ITGA11: variants seen among roughly 807,000 people sequenced by gnomAD.
ITGA11 encodes integrin subunit alpha 11, also known as integrin alpha-11.
In ITGA11, 97 loss-of-function variants were observed where a neutral mutation model predicts 141.9. The ratio of observed to expected loss-of-function variants is 0.68; its 90% CI spans 0.58 to 0.81. The LOEUF is 0.81. Among genes scored for constraint, ITGA11 ranks in the 30% least tolerant of loss-of-function variants. ITGA11 has a pLI of 0.00. For missense variants in ITGA11, 1,387 were observed against 1,559.2 expected (o/e 0.89, Z 1.86); for synonymous variants, 658 against 624.6 (o/e 1.05, Z -0.80).
At chr15:68,319,574 G>C (rs553052117) in intron 20 of ITGA11, among the ~76,000 whole-genome samples, 49 of 152,330 alleles carry the variant, frequency 3.2e-4, no homozygotes, top group South Asian at 2.1e-4. Context: ...AGTTTGTTCT[G>C]ACAGCAGCTG....
intron 2 of ITGA11, among the ~76,000 whole-genome samples, chr15:68,382,723 T>C (rs1895892760): frequency 6.6e-6 from 1 of 152,222 alleles, no homozygotes. Context: ...CCAGTTTCCA[T>C]TTTTCTTGAT....
At chr15:68,330,071 G>A (rs187960621) in intron 15 of ITGA11, among the ~76,000 whole-genome samples, 42 of 152,222 alleles carry the variant, frequency 2.8e-4, no homozygotes, top group Non-Finnish European at 4.8e-4. Context: ...GGCTCGCTCG[G>A]CATCGGTGCT....
At chr15:68,327,249 C>A (rs776162997) in intron 16 of ITGA11, among the ~76,000 whole-genome samples, 1 of 152,190 alleles carries the variant, frequency 6.6e-6, no homozygotes, top group South Asian at 2.1e-4. Context: ...CCCTTCCTGC[C>A]GGATCCTCAA....
At chr15:68,339,788 T>G in intron 10 of ITGA11, 144 bp from the exon 11 acceptor site, 1 of 852,558 alleles carries the variant, frequency 1.2e-6, no homozygotes, top group Non-Finnish European at 1.8e-6. Context: ...ACCTAACTTC[T>G]GGCTGGGGCT....
intron 21 of ITGA11, 41 bp downstream of exon 21, chr15:68,317,224 T>C (rs922183142): frequency 7.2e-7 from 1 of 1,388,204 alleles, no homozygotes; most frequent in African/African-American, 1.4e-5. Flanking sequence ...TGCCTCCCAG[T>C]GCCCACCCTG....
chr15:68,304,574 G>A lies in ITGA11; in HGVS notation c.3382-689C>T, dbSNP rs571236969. Among the ~76,000 whole-genome samples the A allele has an allele frequency of 8.9e-4, 135 of 152,186 alleles. 1 individual carries two copies. Among genetic ancestry groups the A allele is most frequent in the African/African-American group, 3.2e-3 (132 of 41,510 alleles). On this transcript the variant is annotated intron_variant, in intron 28 of 29. Transcript: ENST00000315757. This position sits in a 1 kb window ranked among gnomAD's most constrained non-coding sequence, Gnocchi z 6.1. ...CTCCCTCAGTCCTGTGGCTATCACC[G>A]TCTACACGCCGACTGCTCTCACATT...
chr15:68,307,132 C>T lies in ITGA11; in HGVS notation c.3381+216G>A, dbSNP rs1007376173. Among the ~76,000 whole-genome samples the T allele has an allele frequency of 1.3e-5, 2 of 152,200 alleles. No homozygotes were observed. Among genetic ancestry groups the T allele is most frequent in the Non-Finnish European group, 2.9e-5 (2 of 68,036 alleles). On this transcript the variant is annotated intron_variant, in intron 28 of 29. Coordinates refer to ENST00000315757, the MANE Select transcript of ITGA11 (RefSeq NM_001004439.2). The surrounding 1 kb of genome is among the most constrained non-coding windows in gnomAD (Gnocchi z 6.1). ...TGGTCTTCACAAATTCAGTTCACACCAGACCTCTGGACCTTCCCTAGTGTT... is the reference window on the plus strand; with the variant it reads ...TGGTCTTCACAAATTCAGTTCACACTAGACCTCTGGACCTTCCCTAGTGTT...
intron 2 of ITGA11, among the ~76,000 whole-genome samples, chr15:68,374,722 T>C (rs2169213): frequency 0.039 from 5,972 of 152,232 alleles, 364 homozygotes; most frequent in African/African-American, 0.12. Context: ...AAGGATGAGC[T>C]TGCCTCTGCA....
At chr15:68,387,164 G>A (rs1188121945) in intron 2 of ITGA11, among the ~76,000 whole-genome samples, 2 of 151,894 alleles carry the variant, frequency 1.3e-5, no homozygotes, top group Non-Finnish European at 1.5e-5. Context: ...AGGGAGAGAG[G>A]GAAGGGGCCT....
chr15:68,339,378 C>T (rs768895936), intron 11 of ITGA11, 122 bp downstream of exon 11: 1 of 1,165,328 alleles, frequency 8.6e-7, no homozygotes, highest in Non-Finnish European at 1.2e-6. Flanking sequence ...GAGTTGGGTG[C>T]TTGAATCAGC....
In ITGA11 at chr15:68,322,707, A is replaced by C. The variant is rs1167459350; in HGVS notation, c.2323-1204T>G. Among the ~76,000 whole-genome samples, 1 of 152,086 alleles carries C rather than the reference A, an allele frequency of 6.6e-6. No individual in the cohort carries two copies. Among genetic ancestry groups the C allele is most frequent in the East Asian group, 1.9e-4 (1 of 5,188 alleles). On this transcript the variant is annotated intron_variant, in intron 18 of 29. Transcript: ENST00000315757. This position sits in a 1 kb window ranked among gnomAD's most constrained non-coding sequence, Gnocchi z 5.6. ...CATGGTGAAACTTTGTCTCTGCTAA[A>C]AAATACAAAAATTAGCTGGGCGCAG... is the stretch of plus-strand genomic sequence containing the variant.
In ITGA11 at chr15:68,298,746, ACT is replaced by A. The variant is rs1255781090; in HGVS notation, c.*4311_*4312del. The A allele has an allele frequency of 6.6e-6, 1 of 152,242 alleles. No individual in the cohort carries two copies. The highest frequency in any genetic ancestry group is 1.5e-5 in the Non-Finnish European group (1 of 68,010). 9.4% of individuals were successfully genotyped at this position (152,242 alleles called of 1,614,324 possible). A position where few individuals can be genotyped will look rare whatever the true frequency, so the allele number is the denominator to read the frequency against. Reference sequence around the variant, plus strand: ...ATTTTCCAAATAAAAAAATTTTTTGACTCTGACTTGGGCCACCTTCTGAAAAC... The same window carrying A: ...ATTTTCCAAATAAAAAAATTTTTTGACTGACTTGGGCCACCTTCTGAAAAC... On this transcript the variant is annotated 3_prime_UTR_variant, in exon 30 of 30. Coordinates refer to ENST00000315757, the MANE Select transcript of ITGA11 (RefSeq NM_001004439.2).
At chr15:68,408,629 G>A (rs906812160) in intron 1 of ITGA11, among the ~76,000 whole-genome samples, 1 of 152,144 alleles carries the variant, frequency 6.6e-6, no homozygotes, top group African/African-American at 2.4e-5. Context: ...GGGTGCTCAG[G>A]AAGCTTCTGG....
intron 10 of ITGA11, among the ~76,000 whole-genome samples, chr15:68,347,564 G>A (rs748971): frequency 0.017 from 2,535 of 152,212 alleles, 63 homozygotes; most frequent in African/African-American, 0.058. Context: ...TGGCATTTCC[G>A]TCCATCTGCC....
At chr15:68,349,163 C>T (rs917190672) in intron 9 of ITGA11, among the ~76,000 whole-genome samples, 1 of 152,220 alleles carries the variant, frequency 6.6e-6, no homozygotes, top group Non-Finnish European at 1.5e-5. Flanking sequence ...CTGAAAAGGG[C>T]TCGGGACAAC....
In ITGA11 at chr15:68,299,461, G is replaced by A. The variant is rs1892978103; in HGVS notation, c.*3598C>T. On this transcript the variant is annotated 3_prime_UTR_variant, in exon 30 of 30. Coordinates refer to ENST00000315757, the MANE Select transcript of ITGA11 (RefSeq NM_001004439.2). ...TTATAAGAAGGAGTGCAGGATAAAA[G>A]GCTGGAACCACATTAGCCGAAGGTA... is the stretch of plus-strand genomic sequence containing the variant. The A allele has an allele frequency of 6.6e-6, 1 of 151,354 alleles. No homozygotes were observed. Among genetic ancestry groups the A allele is most frequent in the South Asian group, 2.1e-4 (1 of 4,740 alleles). 9.4% of individuals were successfully genotyped at this position (151,354 alleles called of 1,614,324 possible).
At position 68,361,705 on chromosome 15, in the gene ITGA11, C is replaced by G. The variant is rs1212795767; in HGVS notation, c.358-1G>C. The G allele has an allele frequency of 6.3e-7, 1 of 1,594,498 alleles. No individual in the cohort carries two copies. The highest frequency in any genetic ancestry group is 8.6e-7 in the Non-Finnish European group (1 of 1,168,696). On this transcript the variant is annotated splice_acceptor_variant, in intron 4 of 29. Transcript: ENST00000315757. LOFTEE classifies it high-confidence loss of function. Reference sequence around the variant, plus strand: ...CATGAGACCAGAGGGGGCTGCAGGCCTGGGGAGGGCAGTGCAGATCCCCAG... The same window carrying G: ...CATGAGACCAGAGGGGGCTGCAGGCGTGGGGAGGGCAGTGCAGATCCCCAG...
chr15:68,361,708 G>C lies in ITGA11; in HGVS notation c.358-4C>G, dbSNP rs1178891465. On this transcript the variant is annotated splice_polypyrimidine_tract_variant and splice_region_variant and intron_variant, in intron 4 of 29. Transcript: ENST00000315757. Reference sequence around the variant, plus strand: ...GAGACCAGAGGGGGCTGCAGGCCTGGGGAGGGCAGTGCAGATCCCCAGTCA... The same window carrying C: ...GAGACCAGAGGGGGCTGCAGGCCTGCGGAGGGCAGTGCAGATCCCCAGTCA... 1.3e-6 allele frequency: 2 copies of C among 1,590,594 alleles called. No homozygotes were observed. The highest frequency in any genetic ancestry group is 1.7e-6 in the Non-Finnish European group (2 of 1,165,844).
chr15:68,394,187 C>T (rs1016863470), intron 2 of ITGA11, among the ~76,000 whole-genome samples: 2 of 151,980 alleles, frequency 1.3e-5, no homozygotes, highest in African/African-American at 4.8e-5. Context: ...TTGAACAGAC[C>T]AATAACAAGC....
Sources: gnomAD v4.1 joint callset for allele counts (sites outside exome capture counted in the v4.1 genomes callset) on GRCh38, gnomAD v4.1.1 for gene constraint, Gnocchi (gnomAD v3.1) non-coding constraint, MANE v1.5 for transcripts, NCBI Gene and HGNC (gene_info 2026-07-23, HGNC 2026-07-21) for gene names.